The following AFG1L variants were observed in gnomAD, a reference collection of about 807,000 sequenced individuals.
AFG1L encodes AFG1-like ATPase.
In AFG1L, 53 loss-of-function variants were observed where a neutral mutation model predicts 62.2. The observed-to-expected ratio is 0.85, with a 90% CI of 0.68 to 1.07. AFG1L has a LOEUF of 1.07. Ranked by LOEUF, AFG1L falls within the 50% of genes least tolerant of loss-of-function variation. The probability of loss-of-function intolerance (pLI) is 0.00; values close to 1 mark genes in which losing one functional copy is unlikely to be tolerated. For missense variants in AFG1L, 555 were observed against 590.5 expected (o/e 0.94, Z 0.62); for synonymous variants, 228 against 210.3 (o/e 1.08, Z -0.73).
chr6:108,338,100 C>T (rs1778539336), intron 2 of AFG1L, among the ~76,000 whole-genome samples: 1 of 152,162 alleles, frequency 6.6e-6, no homozygotes, highest in African/African-American at 2.4e-5. Flanking sequence ...GTGGGAGGAT[C>T]TCTTGAGCCC....
At chr6:108,452,650 A>G (rs756838386) in intron 8 of AFG1L, among the ~76,000 whole-genome samples, 1 of 152,188 alleles carries the variant, frequency 6.6e-6, no homozygotes, top group Non-Finnish European at 1.5e-5. Flanking sequence ...TTATTATTTC[A>G]TAAGTGCTGA....
In AFG1L at chr6:108,460,982, A is replaced by C. The variant is rs550842095; in HGVS notation, c.890+13686A>C. Reference sequence around the variant, plus strand: ...AACAATGACAACAACAACAACAACAATGACAACAACAAAAAGAAGTCCTCC... The same window carrying C: ...AACAATGACAACAACAACAACAACACTGACAACAACAAAAAGAAGTCCTCC... On this transcript the variant is annotated intron_variant, in intron 8 of 12. Transcript: ENST00000368977. Among the ~76,000 whole-genome samples, 918 of 151,586 alleles carry C rather than the reference A, an allele frequency of 6.1e-3. 11 individuals are homozygous for C. Among genetic ancestry groups the C allele is most frequent in the African/African-American group, 0.021 (862 of 41,472 alleles).
At chr6:108,459,996 C>T (rs961888508) in intron 8 of AFG1L, among the ~76,000 whole-genome samples, 4 of 146,092 alleles carry the variant, frequency 2.7e-5, no homozygotes, top group African/African-American at 1.0e-4. Flanking sequence ...AGAAACATAT[C>T]AACAAATTAC....
chr6:108,477,884 T>C (rs1356027397), intron 10 of AFG1L, among the ~76,000 whole-genome samples: 4 of 152,264 alleles, frequency 2.6e-5, no homozygotes, highest in Admixed American at 6.5e-5. Flanking sequence ...ATTATAGATA[T>C]GAATTCTGTC....
chr6:108,318,085 A>C (rs1020057933), intron 1 of AFG1L: 1 of 154,746 alleles, frequency 6.5e-6, no homozygotes, highest in Non-Finnish European at 1.4e-5. Flanking sequence ...AAACATGGTG[A>C]ATGTCTCTAA....
intron 10 of AFG1L, among the ~76,000 whole-genome samples, chr6:108,499,868 G>A (rs1316111925): frequency 6.6e-6 from 1 of 152,088 alleles, no homozygotes; most frequent in African/African-American, 2.4e-5. Context: ...GTATAATGCT[G>A]GGATTTGGGC....
chr6:108,454,271 A>C (rs1032035479), intron 8 of AFG1L, among the ~76,000 whole-genome samples: 17 of 152,248 alleles, frequency 1.1e-4, no homozygotes, highest in Non-Finnish European at 2.4e-4. Flanking sequence ...GTTTAAGACT[A>C]TAAAATTTAT....
intron 5 of AFG1L, among the ~76,000 whole-genome samples, chr6:108,360,652 G>A (rs1779490077): frequency 6.6e-6 from 1 of 152,176 alleles, no homozygotes; most frequent in Admixed American, 6.5e-5. Flanking sequence ...TATACCCAGT[G>A]TTAGCAGAGC....
At chr6:108,469,637 G>A (rs939928891) in intron 8 of AFG1L, among the ~76,000 whole-genome samples, 1 of 152,176 alleles carries the variant, frequency 6.6e-6, no homozygotes, top group Admixed American at 6.5e-5. Flanking sequence ...GATTTTATAG[G>A]CTGGTACTTG....
At chr6:108,474,073 C>T (rs1388443749) in intron 8 of AFG1L, among the ~76,000 whole-genome samples, 1 of 152,118 alleles carries the variant, frequency 6.6e-6, no homozygotes, top group Non-Finnish European at 1.5e-5. Flanking sequence ...GTGTTGTTCC[C>T]CTCCATGTGT....
chr6:108,307,989 T>C (rs1777268885), intron 1 of AFG1L, among the ~76,000 whole-genome samples: 1 of 152,234 alleles, frequency 6.6e-6, no homozygotes, highest in African/African-American at 2.4e-5. Context: ...ACATGCACAT[T>C]GTCTGTTTCT....
At chr6:108,351,722 A>G (rs1386407091) in intron 3 of AFG1L, among the ~76,000 whole-genome samples, 1 of 152,158 alleles carries the variant, frequency 6.6e-6, no homozygotes, top group African/African-American at 2.4e-5. Flanking sequence ...AATTGTTTTT[A>G]TTATGGTAAA....
chr6:108,478,547 C>T (rs17069590), intron 10 of AFG1L, among the ~76,000 whole-genome samples: 8,499 of 152,258 alleles, frequency 0.056, 318 homozygotes, highest in African/African-American at 0.1. Flanking sequence ...CTGGGTGATA[C>T]GGACCTTTCA....
intron 1 of AFG1L, among the ~76,000 whole-genome samples, chr6:108,301,086 G>C (rs1452603439): frequency 1.3e-5 from 2 of 152,172 alleles, no homozygotes; most frequent in African/African-American, 2.4e-5. Context: ...GCCTATCCCT[G>C]AGACTGATTA....
chr6:108,387,292 C>T (rs530560152), intron 6 of AFG1L, among the ~76,000 whole-genome samples: 8 of 152,304 alleles, frequency 5.3e-5, no homozygotes, highest in Non-Finnish European at 8.8e-5. Flanking sequence ...CCCAAGGTGG[C>T]GAAGGCTGTG....
chr6:108,351,796 A>C (rs1352992655), intron 3 of AFG1L, among the ~76,000 whole-genome samples: 1 of 151,782 alleles, frequency 6.6e-6, no homozygotes, highest in Non-Finnish European at 1.5e-5. Context: ...CATTAAGTCT[A>C]TTCACATTGT....
intron 7 of AFG1L, among the ~76,000 whole-genome samples, chr6:108,423,735 A>G (rs901703697): frequency 1.3e-5 from 2 of 152,150 alleles, no homozygotes; most frequent in African/African-American, 4.8e-5. Flanking sequence ...GTTAGAATAC[A>G]TAAAAGGACT....
intron 1 of AFG1L, among the ~76,000 whole-genome samples, chr6:108,312,661 C>T (rs1348340845): frequency 2.6e-5 from 4 of 152,172 alleles, no homozygotes; most frequent in Admixed American, 1.3e-4. Context: ...ATTCCCTTTG[C>T]TATTATCACC....
chr6:108,308,192 A>G (rs1187648692), intron 1 of AFG1L, among the ~76,000 whole-genome samples: 1 of 152,064 alleles, frequency 6.6e-6, no homozygotes, highest in Non-Finnish European at 1.5e-5. Context: ...CTGTGTCATC[A>G]AGGCTGGAGT....
Sources: allele counts gnomAD v4.1 joint callset (sites outside exome capture counted in the v4.1 genomes callset), GRCh38; gene constraint gnomAD v4.1.1; transcripts MANE v1.5; gene names NCBI Gene and HGNC (gene_info 2026-07-23, HGNC 2026-07-21).